The following GALNT13 variants were observed in gnomAD, a reference collection of about 807,000 sequenced individuals.
The protein encoded by GALNT13 is UDP-GalNAc:polypeptide N-acetylgalactosaminyltransferase 13.
Under a neutral mutation model 64.2 loss-of-function variants are expected in GALNT13, and 28 were observed. The observed-to-expected ratio is 0.44, with a 90% CI of 0.32 to 0.60. GALNT13 has a LOEUF of 0.60. Ranked by LOEUF, GALNT13 falls within the 20% of genes least tolerant of loss-of-function variation. The pLI, the probability that GALNT13 is intolerant of heterozygous loss-of-function variation, is 0.05. For synonymous variants in GALNT13, 214 were observed against 224.6 expected (o/e 0.95, Z 0.42); for missense variants, 577 against 669.8 (o/e 0.86, Z 1.53).
chr2:154,343,198 A>G (rs1695871592), intron 9 of GALNT13, among the ~76,000 whole-genome samples: 1 of 152,000 alleles, frequency 6.6e-6, no homozygotes, highest in Non-Finnish European at 1.5e-5. Context: ...GATACCAGAG[A>G]CTTGGAGGAT....
At chr2:153,104,399 T>A in the GALNT13 span, among the ~76,000 whole-genome samples, 1 of 152,078 alleles carries the variant, frequency 6.6e-6, no homozygotes, top group Admixed American at 6.6e-5. Context: ...TGTAAAAAAA[T>A]TTTTGGATTT....
the GALNT13 span, among the ~76,000 whole-genome samples, chr2:153,488,871 T>C: frequency 0.054 from 8,206 of 152,230 alleles, 723 homozygotes; most frequent in African/African-American, 0.19. Context: ...TAGGTGCCTC[T>C]GCAAAGGAAC....
intron 3 of GALNT13, among the ~76,000 whole-genome samples, chr2:154,038,146 C>G (rs1280627548): frequency 6.6e-6 from 1 of 152,052 alleles, no homozygotes; most frequent in Non-Finnish European, 1.5e-5. Flanking sequence ...AATAGTAAGA[C>G]AACCCACGCT....
At chr2:153,082,576 T>C in the GALNT13 span, among the ~76,000 whole-genome samples, 3 of 23,372 alleles carry the variant, frequency 1.3e-4, no homozygotes, top group Non-Finnish European at 1.4e-4. Flanking sequence ...GGCTGGTTTA[T>C]ATATATATAT....
intron 4 of GALNT13, among the ~76,000 whole-genome samples, chr2:154,225,201 G>T (rs1406644744): frequency 7.3e-5 from 11 of 151,520 alleles, no homozygotes; most frequent in African/African-American, 2.2e-4. Context: ...TAGATACAGA[G>T]ACTGAGAGAC....
chr2:153,935,829 A>G (rs972346830), intron 2 of GALNT13, among the ~76,000 whole-genome samples: 8 of 152,126 alleles, frequency 5.3e-5, no homozygotes, highest in Admixed American at 2.6e-4. Context: ...CCTCTTCCCC[A>G]CAACTCTTGG....
At chr2:154,435,265 GAATC>G (rs1381568346) in intron 11 of GALNT13, among the ~76,000 whole-genome samples, 1 of 152,134 alleles carries the variant, frequency 6.6e-6, no homozygotes, top group Non-Finnish European at 1.5e-5. Flanking sequence ...ATTAATGAAT[GAATC>G]AATCTTGTAT....
the GALNT13 span, among the ~76,000 whole-genome samples, chr2:153,247,108 G>A: frequency 9.9e-5 from 15 of 152,258 alleles, no homozygotes; most frequent in Non-Finnish European, 1.5e-4. Flanking sequence ...TAAATAATAT[G>A]CACCCAATAC....
the GALNT13 span, among the ~76,000 whole-genome samples, chr2:153,859,521 T>C: frequency 6.6e-6 from 1 of 152,076 alleles, no homozygotes; most frequent in African/African-American, 2.4e-5. Flanking sequence ...TCCTGAGTCT[T>C]AAAATATAAC....
intron 1 of GALNT13, among the ~76,000 whole-genome samples, chr2:153,896,284 TATA>T (rs780654688): frequency 2.7e-5 from 4 of 150,910 alleles, no homozygotes; most frequent in African/African-American, 9.7e-5. Context: ...CTGACTATAA[TATA>T]ATGTTGTTTG....
At chr2:153,706,695 C>T in the GALNT13 span, among the ~76,000 whole-genome samples, 2 of 151,998 alleles carry the variant, frequency 1.3e-5, no homozygotes, top group Non-Finnish European at 2.9e-5. Context: ...TGTTGTCTTC[C>T]CTATTATTTT....
chr2:153,379,445 G>A, the GALNT13 span, among the ~76,000 whole-genome samples: 1 of 152,088 alleles, frequency 6.6e-6, no homozygotes, highest in Admixed American at 6.6e-5. Flanking sequence ...ATACTTACAA[G>A]GCTCCTTTAG....
At chr2:153,707,201 T>A in the GALNT13 span, among the ~76,000 whole-genome samples, 1 of 152,220 alleles carries the variant, frequency 6.6e-6, no homozygotes, top group Non-Finnish European at 1.5e-5. Context: ...GTCTCGGGTA[T>A]GTTTTTATCA....
the GALNT13 span, among the ~76,000 whole-genome samples, chr2:153,494,827 T>G: frequency 4.6e-5 from 7 of 152,006 alleles, no homozygotes; most frequent in African/African-American, 1.7e-4. Flanking sequence ...AGCCACATAG[T>G]AGGAGAAAAC....
chr2:154,445,186 G>A (rs944852322), intron 12 of GALNT13, among the ~76,000 whole-genome samples: 1 of 151,892 alleles, frequency 6.6e-6, no homozygotes, highest in African/African-American at 2.4e-5. Context: ...TACCTGGAAT[G>A]AAACTTCTTT....
chr2:153,346,581 T>C, the GALNT13 span, among the ~76,000 whole-genome samples: 1 of 152,222 alleles, frequency 6.6e-6, no homozygotes, highest in African/African-American at 2.4e-5. Flanking sequence ...CCTGAAAACA[T>C]GCATTTTAAT....
At chr2:154,038,747 C>A (rs1435677696) in intron 3 of GALNT13, among the ~76,000 whole-genome samples, 2 of 152,020 alleles carry the variant, frequency 1.3e-5, no homozygotes, top group South Asian at 2.1e-4. Flanking sequence ...GGCATCAAAA[C>A]AAAAATCAGC....
At chr2:153,635,443 C>CATATATGTGTATATATATAT in the GALNT13 span, among the ~76,000 whole-genome samples, 1 of 144,528 alleles carries the variant, frequency 6.9e-6, no homozygotes, top group African/African-American at 2.5e-5. Flanking sequence ...TATATATACA[C>CATATATGTGTATATATATAT]ACATATATAT....
the GALNT13 span, among the ~76,000 whole-genome samples, chr2:153,194,331 C>A: frequency 6.6e-6 from 1 of 151,996 alleles, no homozygotes; most frequent in Non-Finnish European, 1.5e-5. Context: ...TTTGAAAGAC[C>A]TGTCTTCATG....
Sources: allele counts gnomAD v4.1 joint callset (sites outside exome capture counted in the v4.1 genomes callset), GRCh38; gene constraint gnomAD v4.1.1; transcripts MANE v1.5; gene names NCBI Gene and HGNC (gene_info 2026-07-23, HGNC 2026-07-21).